RAPGEF6: variants seen among roughly 807,000 people sequenced by gnomAD.
RAPGEF6 encodes Rap guanine nucleotide exchange factor 6, also known as PDZ domain containing guanine nucleotide exchange factor (GEF) 2.
RAPGEF6 carries 56 observed loss-of-function variants against 171.4 expected under a neutral mutation model. The ratio of observed to expected loss-of-function variants is 0.33; its 90% CI spans 0.26 to 0.41. The LOEUF (loss-of-function observed/expected upper bound fraction) is 0.41, where lower values mean the gene tolerates loss of function less well. Ranked by LOEUF, RAPGEF6 falls within the 10% of genes least tolerant of loss-of-function variation. The probability of loss-of-function intolerance (pLI) is 1.00; values close to 1 mark genes in which losing one functional copy is unlikely to be tolerated. For synonymous variants in RAPGEF6, 692 were observed against 650.1 expected, an observed-to-expected ratio of 1.06 and a Z score of -0.98; for missense variants, 1,674 against 1,921.4, an observed-to-expected ratio of 0.87 and a Z score of 2.41.
At chr5:131,601,094 A>AG (rs1465875818) in intron 3 of RAPGEF6, among the ~76,000 whole-genome samples, 2 of 151,244 alleles carry the variant, frequency 1.3e-5, no homozygotes, top group East Asian at 3.8e-4. Context: ...AAAAAAAAAA[A>AG]AAAAGAAGGC....
chr5:131,469,701 T>G (rs1242916042), intron 17 of RAPGEF6: 2 of 867,652 alleles, frequency 2.3e-6, no homozygotes, highest in Non-Finnish European at 3.4e-6. Context: ...AAGTTGTGCT[T>G]ACTACTTCAT....
At chr5:131,588,388 A>G (rs1442668527) in intron 4 of RAPGEF6, among the ~76,000 whole-genome samples, 2 of 152,238 alleles carry the variant, frequency 1.3e-5, no homozygotes, top group Non-Finnish European at 1.5e-5. Context: ...TCTGGAACTT[A>G]GGCCATTCTC....
intron 5 of RAPGEF6, 64 bp from the exon 6 acceptor site, chr5:131,548,254 G>T: frequency 6.5e-7 from 1 of 1,533,584 alleles, no homozygotes. Flanking sequence ...ACAATCTATG[G>T]AGTCTTAACA....
intron 5 of RAPGEF6, among the ~76,000 whole-genome samples, chr5:131,549,319 A>C (rs919357858): frequency 6.6e-6 from 1 of 152,122 alleles, no homozygotes; most frequent in Non-Finnish European, 1.5e-5. Context: ...CTAATGTCAG[A>C]GTTCTTGATA....
chr5:131,601,327 G>A (rs1764241877), intron 3 of RAPGEF6, among the ~76,000 whole-genome samples: 1 of 150,858 alleles, frequency 6.6e-6, no homozygotes, highest in Non-Finnish European at 1.5e-5. Context: ...AGAGGTTGCA[G>A]TGAGCCAAGG....
intron 6 of RAPGEF6, among the ~76,000 whole-genome samples, chr5:131,541,542 A>C (rs1251538069): frequency 1.3e-5 from 2 of 150,934 alleles, no homozygotes; most frequent in Non-Finnish European, 3.0e-5. Context: ...TTTTTTGTAG[A>C]GACAGGGTCT....
chr5:131,610,191 CCATTTAT>C, intron 1 of RAPGEF6, among the ~76,000 whole-genome samples: 1 of 152,096 alleles, frequency 6.6e-6, no homozygotes, highest in East Asian at 1.9e-4. Context: ...CAAGAGTCAC[CCATTTAT>C]CATTATTCCC....
At chr5:131,437,860 C>T (rs1418273983) in intron 24 of RAPGEF6, among the ~76,000 whole-genome samples, 2 of 152,150 alleles carry the variant, frequency 1.3e-5, no homozygotes, top group Non-Finnish European at 2.9e-5. Context: ...TAAACACTTA[C>T]CACACATGAG....
chr5:131,521,539 T>C lies in RAPGEF6; in HGVS notation c.496-18A>G. The C allele has an allele frequency of 6.3e-7, 1 of 1,588,460 alleles. No homozygotes were observed. Among genetic ancestry groups the C allele is most frequent in the Non-Finnish European group, 8.5e-7 (1 of 1,169,940 alleles). On this transcript the variant is annotated intron_variant, in intron 6 of 27. Transcript: ENST00000509018. ...GCTGGAAGCTGAAAAAAAAAATAAT[T>C]TAAGTTATTCTAAATGTCAAGCTTT...
intron 19 of RAPGEF6, among the ~76,000 whole-genome samples, chr5:131,459,903 C>T (rs1182195349): frequency 1.3e-5 from 2 of 151,998 alleles, no homozygotes; most frequent in Non-Finnish European, 2.9e-5. Flanking sequence ...AAATTTTTTC[C>T]ATGTACATGT....
intron 15 of RAPGEF6, among the ~76,000 whole-genome samples, chr5:131,482,216 T>C (rs1026175571): frequency 1.3e-5 from 2 of 152,212 alleles, no homozygotes; most frequent in African/African-American, 4.8e-5. Flanking sequence ...TAAAATAAAA[T>C]ATTTAACAAA....
At chr5:131,573,181 G>C (rs1452916088) in intron 4 of RAPGEF6, among the ~76,000 whole-genome samples, 2 of 151,824 alleles carry the variant, frequency 1.3e-5, no homozygotes, top group African/African-American at 4.8e-5. Flanking sequence ...CAATTCTTCG[G>C]CAGCCTCTGC....
intron 3 of RAPGEF6, among the ~76,000 whole-genome samples, chr5:131,594,800 G>C (rs1304826018): frequency 1.3e-5 from 2 of 152,220 alleles, no homozygotes; most frequent in African/African-American, 4.8e-5. Flanking sequence ...TGACTGCCCT[G>C]CTGGGTTTCG....
intron 15 of RAPGEF6, among the ~76,000 whole-genome samples, chr5:131,483,627 A>G (rs1755653314): frequency 6.6e-6 from 1 of 152,212 alleles, no homozygotes; most frequent in Non-Finnish European, 1.5e-5. Flanking sequence ...CTCTTCCCAC[A>G]TATGTATATA....
intron 4 of RAPGEF6, among the ~76,000 whole-genome samples, chr5:131,577,740 T>C (rs1237722368): frequency 6.6e-6 from 1 of 152,224 alleles, no homozygotes; most frequent in Admixed American, 6.5e-5. Flanking sequence ...AATAAAGCTG[T>C]GTCCATTGGA....
chr5:131,629,869 C>T (rs1580705914), intron 1 of RAPGEF6, among the ~76,000 whole-genome samples: 3 of 151,892 alleles, frequency 2.0e-5, no homozygotes, highest in Non-Finnish European at 2.9e-5. Flanking sequence ...GAGAAGCTGC[C>T]TCTTATGCAT....
At chr5:131,599,054 T>A (rs1764071315) in intron 3 of RAPGEF6, among the ~76,000 whole-genome samples, 3 of 152,210 alleles carry the variant, frequency 2.0e-5, no homozygotes, top group African/African-American at 7.2e-5. Flanking sequence ...CTCACGCCTG[T>A]AATTTCAGCA....
At chr5:131,436,983 T>A (rs1451104430) in intron 24 of RAPGEF6, among the ~76,000 whole-genome samples, 3 of 152,152 alleles carry the variant, frequency 2.0e-5, no homozygotes, top group Non-Finnish European at 4.4e-5. Flanking sequence ...ATTTTCTTAA[T>A]CATAAGAAAA....
intron 19 of RAPGEF6, among the ~76,000 whole-genome samples, chr5:131,456,790 A>C (rs1277300471): frequency 2.0e-5 from 3 of 152,222 alleles, no homozygotes; most frequent in African/African-American, 7.2e-5. Flanking sequence ...TAAGGCATGG[A>C]GTTAGGTATC....
Sources: gnomAD v4.1 joint callset for allele counts (sites outside exome capture counted in the v4.1 genomes callset) on GRCh38, gnomAD v4.1.1 for gene constraint, MANE v1.5 for transcripts, NCBI Gene and HGNC (gene_info 2026-07-23, HGNC 2026-07-21) for gene names.